The following DMD variants were observed in gnomAD, a reference collection of about 807,000 sequenced individuals.
The protein encoded by DMD is dystrophin.
Under a neutral mutation model 330.1 loss-of-function variants are expected in DMD, and 63 were observed. The ratio of observed to expected loss-of-function variants is 0.19; its 90% confidence interval spans 0.16 to 0.24. The LOEUF is 0.24. Ranked by LOEUF, DMD falls within the 10% of genes least tolerant of loss-of-function variation. The probability of loss-of-function intolerance (pLI) is 1.00; values close to 1 mark genes in which losing one functional copy is unlikely to be tolerated. For missense variants in DMD, 3,344 were observed against 2,684.1 expected, an observed-to-expected ratio of 1.25 and a Z score of -5.43; for synonymous variants, 1,223 against 959.8, an observed-to-expected ratio of 1.27 and a Z score of -5.07.
chrX:33,272,685 C>T (rs1436247179), intron 1 of DMD, among the ~76,000 whole-genome samples: 1 of 106,734 alleles, frequency 9.4e-6, no homozygotes, highest in African/African-American at 3.4e-5. Context: ...AAAACACACA[C>T]ACACAAGAAA....
chrX:32,451,845 T>C (rs1385064531), intron 26 of DMD, among the ~76,000 whole-genome samples: 1 of 110,863 alleles, frequency 9.0e-6, no homozygotes, highest in Non-Finnish European at 1.9e-5. Flanking sequence ...GAAATCTTCC[T>C]GCCAACTCTT....
Position 32,914,063 on chromosome X carries a change from A to G in DMD, c.94-64243T>C. Among the ~76,000 whole-genome samples the G allele has an allele frequency of 1.8e-5, 2 of 111,878 alleles. 1 individual carries two copies. The highest frequency in any genetic ancestry group is 9.2e-3 in the Middle Eastern group (2 of 217). On this transcript the variant is annotated intron_variant, in intron 2 of 78. Coordinates refer to ENST00000357033, the MANE Select transcript of DMD (RefSeq NM_004006.3). ...AGTCCTCGCCTCAGGCTTAGCTTTTAAAGAAATCCAAACTAAGACAAACTG... is the reference window on the plus strand; with the variant it reads ...AGTCCTCGCCTCAGGCTTAGCTTTTGAAGAAATCCAAACTAAGACAAACTG...
chrX:31,803,733 CTT>C (rs1434156183), intron 50 of DMD, among the ~76,000 whole-genome samples: 10 of 105,803 alleles, frequency 9.5e-5, no homozygotes, highest in African/African-American at 3.5e-4. Context: ...GAGTTTCACT[CTT>C]GTTGCCCAGG....
At chrX:31,757,728 C>G (rs753323620) in intron 51 of DMD, among the ~76,000 whole-genome samples, 12 of 109,906 alleles carry the variant, frequency 1.1e-4, no homozygotes, top group African/African-American at 4.0e-4. Context: ...CCTTCTAATA[C>G]CATCACCTTG....
chrX:32,554,236 GCAAA>G (rs1483084899), intron 16 of DMD, among the ~76,000 whole-genome samples: 1 of 111,248 alleles, frequency 9.0e-6, no homozygotes, highest in East Asian at 2.8e-4. Flanking sequence ...CAAACCAAGA[GCAAA>G]CAAACAAGAA....
intron 44 of DMD, among the ~76,000 whole-genome samples, chrX:32,189,355 G>A (rs1434323792): frequency 2.1e-5 from 2 of 97,413 alleles, no homozygotes; most frequent in East Asian, 3.1e-4. Context: ...TCTTTACTAG[G>A]GTGTCAGCAA....
At chrX:32,964,255 C>CAAAAAAAAAAAAAAA (rs781702491) in intron 2 of DMD, among the ~76,000 whole-genome samples, 1,907 of 34,972 alleles carry the variant, frequency 0.055, 117 homozygotes, top group East Asian at 0.095. Flanking sequence ...GACTCCATCT[C>CAAAAAAAAAAAAAAA]AAAAAAAAAA....
intron 44 of DMD, among the ~76,000 whole-genome samples, chrX:32,179,866 A>T (rs1383185361): frequency 9.0e-6 from 1 of 111,663 alleles, no homozygotes; most frequent in Non-Finnish European, 1.9e-5. Flanking sequence ...GCCACCATGT[A>T]AGCCATGCCT....
chrX:32,172,748 T>A (rs1188090190), intron 44 of DMD, among the ~76,000 whole-genome samples: 1 of 112,336 alleles, frequency 8.9e-6, no homozygotes, highest in Admixed American at 9.5e-5. Flanking sequence ...TTTCTGTTTA[T>A]GTGGCCAGTT....
intron 30 of DMD, among the ~76,000 whole-genome samples, chrX:32,393,120 A>C (rs1185009246): frequency 1.8e-5 from 2 of 112,233 alleles, no homozygotes; most frequent in Non-Finnish European, 3.8e-5. Context: ...TCAAAACTTT[A>C]TTACTGCCCT....
intron 2 of DMD, among the ~76,000 whole-genome samples, chrX:32,965,493 C>CAAAAA (rs34853368): frequency 2.9e-5 from 1 of 34,641 alleles, no homozygotes; most frequent in African/African-American, 1.1e-4. Flanking sequence ...GACTCTGTCT[C>CAAAAA]AAAAAAAAAA....
chrX:31,842,410 A>G lies in DMD; in HGVS notation c.7099-5591T>C, dbSNP rs189852533. Reference sequence around the variant, plus strand: ...GAATATTCTGTAAACTTAGTTGGTAAAGCAGCAGCAGGGTATGAGAGCCTT... The same window carrying G: ...GAATATTCTGTAAACTTAGTTGGTAGAGCAGCAGCAGGGTATGAGAGCCTT... On this transcript the variant is annotated intron_variant, in intron 48 of 78. Transcript: ENST00000357033. Among the ~76,000 whole-genome samples the G allele has an allele frequency of 1.6e-4, 18 of 112,492 alleles. 1 individual carries two copies. Among genetic ancestry groups the G allele is most frequent in the African/African-American group, 5.2e-4 (16 of 31,046 alleles).
chrX:32,811,146 C>T (rs2077337549), intron 6 of DMD, among the ~76,000 whole-genome samples: 1 of 104,745 alleles, frequency 9.5e-6, no homozygotes, highest in Non-Finnish European at 1.9e-5. Flanking sequence ...CCAACCTGAA[C>T]CACATAGTGA....
At chrX:31,249,678 T>G (rs1453523921) in intron 63 of DMD, among the ~76,000 whole-genome samples, 1 of 111,405 alleles carries the variant, frequency 9.0e-6, no homozygotes, top group African/African-American at 3.3e-5. Flanking sequence ...GGTTAAGAAG[T>G]AAAATACTTC....
intron 7 of DMD, among the ~76,000 whole-genome samples, chrX:32,800,251 A>T (rs1215655008): frequency 1.8e-5 from 2 of 112,121 alleles, no homozygotes; most frequent in Admixed American, 1.9e-4. Flanking sequence ...TCACAAAAGC[A>T]ATTACTATAC....
At chrX:32,574,039 G>T (rs1388163541) in intron 13 of DMD, among the ~76,000 whole-genome samples, 193 bp from the exon 14 acceptor site, 1 of 111,999 alleles carries the variant, frequency 8.9e-6, no homozygotes, top group Non-Finnish European at 1.9e-5. Context: ...ACCAAGTCTT[G>T]TACCTTTCAT....
intron 1 of DMD, among the ~76,000 whole-genome samples, chrX:33,091,867 A>G (rs1310275057): frequency 9.0e-6 from 1 of 111,577 alleles, no homozygotes; most frequent in African/African-American, 3.3e-5. Context: ...TTCTTGGTTC[A>G]CCCTTTACAT....
intron 9 of DMD, among the ~76,000 whole-genome samples, chrX:32,655,443 T>C (rs535716215): frequency 8.9e-6 from 1 of 111,879 alleles, no homozygotes; most frequent in African/African-American, 3.3e-5. Context: ...TGTAGTTGAG[T>C]GGTTTTGAGT....
rs5902050 is a variant in DMD at position 33,066,058 on chromosome X, TAA to T, written c.32-45860_32-45859del. Among the ~76,000 whole-genome samples the T allele has an allele frequency of 6.7e-3, 659 of 98,248 alleles. 6 individuals are homozygous for T. The highest frequency in any genetic ancestry group is 0.018 in the African/African-American group (491 of 27,098). The allele number at this position is 98,248 out of a possible 115,157, so 85.3% of individuals were successfully genotyped here. A position where few individuals can be genotyped will look rare whatever the true frequency, so the allele number is the denominator to read the frequency against. The stretch of plus-strand genomic sequence containing the variant: ...TAAGAACATACATAGCCAAAGGATT[TAA>T]AAAAAAAAAAAACCACCTTAAAACA... On this transcript the variant is annotated intron_variant, in intron 1 of 78. Coordinates refer to ENST00000357033, the MANE Select transcript of DMD (RefSeq NM_004006.3).
Sources: gnomAD v4.1 joint callset for allele counts (sites outside exome capture counted in the v4.1 genomes callset) on GRCh38, gnomAD v4.1.1 for gene constraint, MANE v1.5 for transcripts, NCBI Gene and HGNC (gene_info 2026-07-23, HGNC 2026-07-21) for gene names.